The following PLEKHG1 variants were observed in gnomAD, a reference collection of about 807,000 sequenced individuals.
PLEKHG1 encodes pleckstrin homology and RhoGEF domain containing G1.
A neutral mutation model predicts 100.8 loss-of-function variants in PLEKHG1; 44 were observed. That is an observed-to-expected ratio of 0.44 (90% confidence interval 0.34 to 0.56). The LOEUF is 0.56. PLEKHG1 is among the 20% of genes least tolerant of loss of function. The probability of loss-of-function intolerance (pLI) is 0.01; values close to 1 mark genes in which losing one functional copy is unlikely to be tolerated. For missense variants in PLEKHG1, 1,545 were observed against 1,720.9 expected (o/e 0.90, Z 1.81); for synonymous variants, 640 against 662.5 (o/e 0.97, Z 0.52).
chr6:150,704,103 G>A (rs1379250869), intron 3 of PLEKHG1, among the ~76,000 whole-genome samples: 1 of 152,178 alleles, frequency 6.6e-6, no homozygotes, highest in Non-Finnish European at 1.5e-5. Context: ...AATGGTTGAT[G>A]GTCCGACTGA....
At chr6:150,812,239 T>C (rs1787572985) in intron 10 of PLEKHG1, among the ~76,000 whole-genome samples, 1 of 152,110 alleles carries the variant, frequency 6.6e-6, no homozygotes, top group South Asian at 2.1e-4. Flanking sequence ...CAGGAGACTC[T>C]TGCTAGAGGC....
chr6:150,763,216 G>A (rs1199822611), intron 2 of PLEKHG1, among the ~76,000 whole-genome samples: 1 of 151,756 alleles, frequency 6.6e-6, no homozygotes, highest in Non-Finnish European at 1.5e-5. Context: ...TTTTAGTAGA[G>A]ATGGAGTTTC....
chr6:150,688,479 C>G (rs1780223641), intron 3 of PLEKHG1, among the ~76,000 whole-genome samples: 1 of 152,048 alleles, frequency 6.6e-6, no homozygotes, highest in South Asian at 2.1e-4. Context: ...CTCCACCATG[C>G]TTGGCTAATT....
At chr6:150,676,122 G>A (rs1779750190) in intron 3 of PLEKHG1, among the ~76,000 whole-genome samples, 1 of 152,174 alleles carries the variant, frequency 6.6e-6, no homozygotes. Flanking sequence ...AAAGGGCAAA[G>A]ATGCACATAT....
chr6:150,784,385 G>GA (rs1785487733), intron 3 of PLEKHG1, among the ~76,000 whole-genome samples: 4 of 152,212 alleles, frequency 2.6e-5, no homozygotes, highest in Non-Finnish European at 5.9e-5. Context: ...AGTACTCAGA[G>GA]AAAATTACTT....
intron 2 of PLEKHG1, among the ~76,000 whole-genome samples, chr6:150,761,672 A>G (rs1784169615): frequency 6.6e-6 from 1 of 152,158 alleles, no homozygotes; most frequent in Non-Finnish European, 1.5e-5. Context: ...ACTTTAACAT[A>G]TTAATACTAA....
intron 15 of PLEKHG1, 69 bp downstream of exon 16, chr6:150,832,274 C>A (rs946831974): frequency 7.7e-7 from 1 of 1,294,906 alleles, no homozygotes; most frequent in Non-Finnish European, 1.1e-6. Flanking sequence ...TTTCAGATGT[C>A]CTTAAAACGG....
At chr6:150,602,097 A>G (rs1474820311) in intron 1 of PLEKHG1, among the ~76,000 whole-genome samples, 1 of 152,252 alleles carries the variant, frequency 6.6e-6, no homozygotes, top group African/African-American at 2.4e-5. Flanking sequence ...GATTTAATTA[A>G]GATCGAATGG....
intron 15 of PLEKHG1, among the ~76,000 whole-genome samples, chr6:150,836,041 G>T (rs1777204610): frequency 6.6e-6 from 1 of 152,102 alleles, no homozygotes; most frequent in Non-Finnish European, 1.5e-5. Flanking sequence ...ACTCCCAGTG[G>T]TATGGTCTCA....
At chr6:150,840,100 G>A in exon 16 of PLEKHG1, 1 of 1,614,214 alleles carries the variant, frequency 6.2e-7, no homozygotes, top group Non-Finnish European at 8.5e-7. Flanking sequence ...AGTACTCCCA[G>A]GCAATTGTCC....
chr6:150,611,623 C>A (rs1398150206), intron 1 of PLEKHG1, among the ~76,000 whole-genome samples: 1 of 152,050 alleles, frequency 6.6e-6, no homozygotes, highest in African/African-American at 2.4e-5. Flanking sequence ...ACCAGCCTGG[C>A]CAACATGGTG....
At position 150,831,422 on chromosome 6, in the gene PLEKHG1, C is replaced by T. The variant is rs776922089; in HGVS notation, c.2311C>T (p.Leu771=). ...TGCAAAGCGGAGCACCTTTTTGGGT[C>T]TGGAGGCCGACTTCGTGTGCTGTGA... Residue 771 remains leucine (L), a synonymous_variant, in exon 15 of 16, where the codon CTG becomes TTG. Transcript: ENST00000358517. This position sits in a 1 kb window ranked among gnomAD's most constrained non-coding sequence, Gnocchi z 4.1. 6.2e-7 allele frequency: 1 copy of T among 1,614,012 alleles called. No individual in the cohort carries two copies. The highest frequency in any genetic ancestry group is 1.3e-5 in the African/African-American group (1 of 74,936).
chr6:150,636,118 A>G (rs1777987134), intron 1 of PLEKHG1, among the ~76,000 whole-genome samples: 1 of 152,164 alleles, frequency 6.6e-6, no homozygotes, highest in African/African-American at 2.4e-5. Context: ...CATACCTAAG[A>G]CTTGAGTTTT....
chr6:150,832,908 C>T (rs1777029275), intron 15 of PLEKHG1, among the ~76,000 whole-genome samples: 1 of 151,784 alleles, frequency 6.6e-6, no homozygotes, highest in Admixed American at 6.6e-5. Context: ...GACTCCTGGG[C>T]TCAAGCAATC....
intron 2 of PLEKHG1, among the ~76,000 whole-genome samples, chr6:150,760,242 C>T (rs1784079729): frequency 6.6e-6 from 1 of 152,156 alleles, no homozygotes; most frequent in Admixed American, 6.5e-5. Flanking sequence ...TGCATTCCTC[C>T]ACCACCTCAC....
chr6:150,814,847 G>A (rs1363898628), intron 10 of PLEKHG1, among the ~76,000 whole-genome samples: 1 of 152,156 alleles, frequency 6.6e-6, no homozygotes, highest in Non-Finnish European at 1.5e-5. Context: ...AGCCACCCGA[G>A]TAGCTGGGAC....
At chr6:150,690,667 T>C (rs1317957558) in intron 3 of PLEKHG1, among the ~76,000 whole-genome samples, 1 of 152,134 alleles carries the variant, frequency 6.6e-6, no homozygotes, top group Admixed American at 6.6e-5. Context: ...GGGTGCAAAA[T>C]GAAACTCTGG....
chr6:150,633,939 G>A (rs1348331774), intron 1 of PLEKHG1, among the ~76,000 whole-genome samples: 5 of 152,048 alleles, frequency 3.3e-5, no homozygotes, highest in African/African-American at 9.7e-5. Flanking sequence ...TGAGGGAGGA[G>A]GGGAAAAAGA....
intron 15 of PLEKHG1, among the ~76,000 whole-genome samples, chr6:150,833,933 A>G (rs1777093649): frequency 6.6e-6 from 1 of 152,220 alleles, no homozygotes. Flanking sequence ...ATTGACATCC[A>G]TGGAAACTGA....
Sources: allele counts gnomAD v4.1 joint callset (sites outside exome capture counted in the v4.1 genomes callset), GRCh38; gene constraint gnomAD v4.1.1; non-coding constraint Gnocchi (gnomAD v3.1); transcripts MANE v1.5; gene names NCBI Gene and HGNC (gene_info 2026-07-23, HGNC 2026-07-21).